HRH4: variants seen among roughly 807,000 people sequenced by gnomAD.
HRH4 encodes the protein histamine receptor H4.
HRH4 carries 12 observed loss-of-function variants against 10.4 expected under a neutral mutation model. The ratio of observed to expected loss-of-function variants is 1.15; its 90% CI spans 0.74 to 1.87. The LOEUF is 1.87. HRH4 is among the 40% of genes most tolerant of loss of function. The pLI is 0.00. For synonymous variants in HRH4, 154 were observed against 166.6 expected, an observed-to-expected ratio of 0.92 and a Z score of 0.58; for missense variants, 415 against 453.3, an observed-to-expected ratio of 0.92 and a Z score of 0.77.
chr18:24,460,710 T>G lies in HRH4; in HGVS notation c.-19T>G, dbSNP rs1273924853. The G allele has an allele frequency of 1.4e-6, 2 of 1,474,600 alleles. No homozygotes were observed. Among genetic ancestry groups the G allele is most frequent in the Non-Finnish European group, 1.8e-6 (2 of 1,096,522 alleles). The allele number at this position is 1,474,600 out of a possible 1,614,324, so 91.3% of individuals were successfully genotyped here. A position where few individuals can be genotyped will look rare whatever the true frequency, so the allele number is the denominator to read the frequency against. On this transcript the variant is annotated 5_prime_UTR_variant, in exon 1 of 3. Coordinates refer to ENST00000256906, the MANE Select transcript of HRH4 (RefSeq NM_021624.4). Reference sequence around the variant, plus strand: ...GCTGGATTAATTTGCTAATTTGACCTTCTTCATCATTTGATGTGATGCCAG... The same window carrying G: ...GCTGGATTAATTTGCTAATTTGACCGTCTTCATCATTTGATGTGATGCCAG...
intron 2 of HRH4, among the ~76,000 whole-genome samples, chr18:24,475,062 A>G (rs1410703116): frequency 6.6e-6 from 1 of 152,088 alleles, no homozygotes; most frequent in Admixed American, 6.5e-5. Context: ...TACCTCATAG[A>G]GTGATTGGTC....
intron 2 of HRH4, among the ~76,000 whole-genome samples, chr18:24,475,489 G>A (rs1187203887): frequency 6.6e-6 from 1 of 152,160 alleles, no homozygotes. Flanking sequence ...GCTGGGTGTG[G>A]TGGTGTACAT....
chr18:24,464,564 G>A (rs945657971), intron 1 of HRH4, among the ~76,000 whole-genome samples: 1 of 152,094 alleles, frequency 6.6e-6, no homozygotes, highest in Non-Finnish European at 1.5e-5. Context: ...CGGCCCAAAG[G>A]ATTTACTTGG....
chr18:24,476,891 T>A lies in HRH4; in HGVS notation c.502T>A (p.Phe168Ile). 4.3e-6 allele frequency: 7 copies of A among 1,614,186 alleles called. No individual in the cohort carries two copies. Among genetic ancestry groups the A allele is most frequent in the Non-Finnish European group, 5.9e-6 (7 of 1,180,030 alleles). ...KDEGSECEPGFFSEWYILAIT... is the reference protein window; with the variant it reads ...KDEGSECEPGIFSEWYILAIT... ...TGAAGGTAGTGAATGTGAACCTGGA[T>A]TTTTTTCGGAATGGTACATCCTTGC... The change falls in exon 3 of 3, where the codon TTT (phenylalanine) becomes ATT (isoleucine). Residue 168 changes from phenylalanine to isoleucine, a missense_variant. Coordinates refer to ENST00000256906, the MANE Select transcript of HRH4 (RefSeq NM_021624.4).
intron 2 of HRH4, among the ~76,000 whole-genome samples, chr18:24,469,670 C>T (rs923610274): frequency 9.2e-5 from 14 of 152,276 alleles, no homozygotes; most frequent in Admixed American, 7.8e-4. Context: ...TCTCAGGGAC[C>T]CAACTCTTTG....
At chr18:24,471,677 AT>A (rs1363278127) in intron 2 of HRH4, among the ~76,000 whole-genome samples, 1 of 150,396 alleles carries the variant, frequency 6.6e-6, no homozygotes, top group Admixed American at 6.6e-5. Context: ...CCTTCAGATT[AT>A]CTTGTACATA....
intron 2 of HRH4, among the ~76,000 whole-genome samples, chr18:24,470,716 C>A (rs528602527): frequency 6.6e-6 from 1 of 151,062 alleles, no homozygotes; most frequent in Admixed American, 6.6e-5. Flanking sequence ...GTTGGCCAGG[C>A]TGGTTTTGTA....
chr18:24,470,090 C>T (rs914923758), intron 2 of HRH4, among the ~76,000 whole-genome samples: 6 of 152,068 alleles, frequency 3.9e-5, no homozygotes, highest in Admixed American at 3.9e-4. Context: ...TAGCCTGGGA[C>T]GATTGTGCAG....
In HRH4 at chr18:24,460,809, T is replaced by C; in HGVS notation, c.81T>C (p.Phe27=). Residue 27 remains phenylalanine (F), a synonymous_variant, in exon 1 of 3, where the codon TTT becomes TTC. Coordinates refer to ENST00000256906, the MANE Select transcript of HRH4 (RefSeq NM_021624.4). ...CATTTTTTATGTCCTTAGTAGCTTT[T>C]GCTATAATGCTAGGAAATGCTTTGG... The part of the protein sequence containing the change: ...TLAFFMSLVA[F]AIMLGNALVI... 6.3e-7 allele frequency: 1 copy of C among 1,587,408 alleles called. No homozygotes were observed. The highest frequency in any genetic ancestry group is 8.6e-7 in the Non-Finnish European group (1 of 1,160,656).
chr18:24,478,785 GCCTTGGC>G lies in HRH4; in HGVS notation c.*1225_*1231del, dbSNP rs1910220429. Reference sequence around the variant, plus strand: ...ACTCCTTGGCTCAAGCAATCCTGCTGCCTTGGCCTCCCAAGTATGTAGGACTACAGGT... The same window carrying G: ...ACTCCTTGGCTCAAGCAATCCTGCTGCTCCCAAGTATGTAGGACTACAGGT... On this transcript the variant is annotated 3_prime_UTR_variant, in exon 3 of 3. Coordinates refer to ENST00000256906, the MANE Select transcript of HRH4 (RefSeq NM_021624.4). The G allele has an allele frequency of 6.6e-6, 1 of 152,220 alleles. No individual in the cohort carries two copies. Among genetic ancestry groups the G allele is most frequent in the South Asian group, 2.1e-4 (1 of 4,828 alleles). 9.4% of individuals were successfully genotyped at this position (152,220 alleles called of 1,614,324 possible).
chr18:24,477,917 A>G lies in HRH4; in HGVS notation c.*355A>G, dbSNP rs2144387320. 1 of 171,654 alleles carries G rather than the reference A, an allele frequency of 5.8e-6. No individual in the cohort carries two copies. The highest frequency in any genetic ancestry group is 2.4e-5 in the African/African-American group (1 of 42,120). 10.6% of individuals were successfully genotyped at this position (171,654 alleles called of 1,614,324 possible). On this transcript the variant is annotated 3_prime_UTR_variant, in exon 3 of 3. Transcript: ENST00000256906. ...TAATAGAAACTTATCCAGTTTGAAAATCATTCCCTAAAGCATGCAATAGGA... is the reference window on the plus strand; with the variant it reads ...TAATAGAAACTTATCCAGTTTGAAAGTCATTCCCTAAAGCATGCAATAGGA...
Position 24,477,304 on chromosome 18 carries a change from G to A in HRH4, c.915G>A (p.Leu305=). Residue 305 remains leucine, a synonymous_variant, in exon 3 of 3, where the codon CTG becomes CTA. Transcript: ENST00000256906. ...LLRARRLAKS[L]AILLGVFAVC... ...GAGCCAGGAGATTAGCCAAGTCACT[G>A]GCCATTCTCTTAGGGGTTTTTGCTG... 6.2e-7 allele frequency: 1 copy of A among 1,614,164 alleles called. No homozygotes were observed. Among genetic ancestry groups the A allele is most frequent in the African/African-American group, 1.3e-5 (1 of 75,030 alleles).
chr18:24,462,392 C>T (rs181566875), intron 1 of HRH4, among the ~76,000 whole-genome samples: 54 of 151,826 alleles, frequency 3.6e-4, no homozygotes, highest in Non-Finnish European at 6.9e-4. Flanking sequence ...TCGGAAGAGC[C>T]GTAGGAAATG....
chr18:24,468,974 C>G (rs781231684), intron 2 of HRH4, 23 bp downstream of exon 2: 2 of 1,565,726 alleles, frequency 1.3e-6, no homozygotes, highest in South Asian at 1.2e-5. Context: ...ATTAATTTAT[C>G]CCCCTTAGAA....
intron 2 of HRH4, among the ~76,000 whole-genome samples, chr18:24,470,499 C>A (rs149050278): frequency 2.3e-5 from 1 of 43,706 alleles, no homozygotes; most frequent in South Asian, 8.4e-4. Context: ...ATTTGTTTCT[C>A]TATTTTTTTT....
At chr18:24,471,826 A>C (rs1234263314) in intron 2 of HRH4, among the ~76,000 whole-genome samples, 1 of 152,004 alleles carries the variant, frequency 6.6e-6, no homozygotes, top group Non-Finnish European at 1.5e-5. Context: ...TGTACTTTCA[A>C]AATTTCCTTT....
At position 24,467,685 on chromosome 18, in the gene HRH4, A is replaced by C. The variant is rs57624393; in HGVS notation, c.194-1103A>C. ...CAGCCTCCTGAATAACTGGGATTAC[A>C]GGCGTGCACCACCATGCCCAGCTAA... On this transcript the variant is annotated intron_variant, in intron 1 of 2. Transcript: ENST00000256906. Among the ~76,000 whole-genome samples the C allele has an allele frequency of 1.1e-3, 163 of 152,242 alleles. 2 individuals carry two copies. The East Asian group carries it at 0.029, about 27-fold the overall frequency.
At chr18:24,462,748 T>C (rs979182497) in intron 1 of HRH4, among the ~76,000 whole-genome samples, 5 of 152,172 alleles carry the variant, frequency 3.3e-5, no homozygotes, top group African/African-American at 7.2e-5. Context: ...TAAAGAAGTA[T>C]TGAAAAAATG....
intron 1 of HRH4, among the ~76,000 whole-genome samples, chr18:24,461,946 A>G (rs1909652183): frequency 6.6e-6 from 1 of 152,174 alleles, no homozygotes; most frequent in African/African-American, 2.4e-5. Context: ...AAGAGTGGAC[A>G]AGAGATGTTC....
Sources: gnomAD v4.1 joint callset for allele counts (sites outside exome capture counted in the v4.1 genomes callset) on GRCh38, gnomAD v4.1.1 for gene constraint, MANE v1.5 for transcripts, NCBI Gene and HGNC (gene_info 2026-07-23, HGNC 2026-07-21) for gene names.